ANK3: variants seen among roughly 807,000 people sequenced by gnomAD.
ANK3 encodes the protein ankyrin 3.
In ANK3, 57 loss-of-function variants were observed where a neutral mutation model predicts 370.9. The ratio of observed to expected loss-of-function variants is 0.15; its 90% CI spans 0.12 to 0.19. The LOEUF (loss-of-function observed/expected upper bound fraction) is 0.19, where lower values mean the gene tolerates loss of function less well. Ranked by LOEUF, ANK3 falls within the 10% of genes least tolerant of loss-of-function variation. ANK3 has a pLI of 1.00. For synonymous variants in ANK3, 1,929 were observed against 1,946.3 expected (o/e 0.99, Z 0.23); for missense variants, 4,439 against 5,302.1 (o/e 0.84, Z 5.06).
intron 8 of ANK3, among the ~76,000 whole-genome samples, chr10:60,230,655 C>T (rs1446408711): frequency 6.6e-6 from 1 of 152,198 alleles, no homozygotes; most frequent in African/African-American, 2.4e-5. Context: ...CTTTGAGAGG[C>T]TGAGATGGGC....
At chr10:60,452,333 G>T (rs944132835) in intron 2 of ANK3, among the ~76,000 whole-genome samples, 1 of 152,248 alleles carries the variant, frequency 6.6e-6, no homozygotes, top group African/African-American at 2.4e-5. Context: ...CACGAGAGTT[G>T]CTTCTATTGT....
At position 60,075,160 on chromosome 10, in the gene ANK3, T is replaced by A. The variant is rs1217164084; in HGVS notation, c.5721A>T (p.Glu1907Asp). ...TCATCCGCATTAGGTCCTCTTTCAT[T>A]TCAGCTACATCTTTTAGTATCTCCT... The part of the protein sequence containing the change: ...SSQEILKDVA[E>D]MKEDLMRMTA... The change falls in exon 37 of 44, where the codon GAA (glutamate) becomes GAT (aspartate). Residue 1907 changes from glutamate to aspartate, a missense_variant. By Grantham distance (45) the Glu-to-Asp change is conservative (BLOSUM62 2). Around this residue, in one of 13 missense-constraint regions of ANK3, gnomAD observed 679 missense variants for 791.0 expected, o/e 0.86. Coordinates refer to ENST00000280772, the MANE Select transcript of ANK3 (RefSeq NM_020987.5). The A allele has an allele frequency of 1.9e-6, 3 of 1,614,038 alleles. 1 individual carries two copies. The African/African-American group carries it at 4.0e-5, about 22-fold the overall frequency.
At chr10:60,516,646 T>C (rs1027888302) in intron 2 of ANK3, among the ~76,000 whole-genome samples, 4 of 152,054 alleles carry the variant, frequency 2.6e-5, no homozygotes, top group African/African-American at 9.7e-5. Flanking sequence ...GAGTAGTTAG[T>C]AGTGAGCTCC....
At chr10:60,518,359 C>A (rs771988693) in intron 2 of ANK3, among the ~76,000 whole-genome samples, 3 of 152,122 alleles carry the variant, frequency 2.0e-5, no homozygotes, top group Non-Finnish European at 4.4e-5. Flanking sequence ...CTGCTCTGGC[C>A]TCCTTGAGCC....
chr10:60,067,827 T>C, intron 38 of ANK3, 108 bp downstream of exon 38: 1 of 814,790 alleles, frequency 1.2e-6, no homozygotes, highest in Non-Finnish European at 1.8e-6. Context: ...AAAATGTTTT[T>C]TACTAGCTGC....
At chr10:60,602,321 A>G (rs993716759) in intron 2 of ANK3, among the ~76,000 whole-genome samples, 5 of 152,072 alleles carry the variant, frequency 3.3e-5, no homozygotes, top group African/African-American at 1.2e-4. Context: ...TCCCCACAAT[A>G]TAATGGAAGG....
chr10:60,068,947 GGT>G lies in ANK3; in HGVS notation c.11932_11933del (p.Thr3978GlnfsTer5). The G allele has an allele frequency of 6.2e-7, 1 of 1,613,988 alleles. No homozygotes were observed. The highest frequency in any genetic ancestry group is 8.5e-7 in the Non-Finnish European group (1 of 1,179,968). On this transcript the variant is annotated frameshift_variant, in exon 37 of 44. Coordinates refer to ENST00000280772, the MANE Select transcript of ANK3 (RefSeq NM_020987.5). LOFTEE classifies it high-confidence loss of function. ...TTTTTTTTTT[T>X]SCTVKVRKSQ... ...TTTTCCTAACTTTAACTGTGCAGCT[GGT>G]GGTGGTGGTAGTGGTGGTAGTGGTG... is the stretch of plus-strand genomic sequence containing the variant.
At chr10:60,318,285 C>A (rs1308836041) in intron 1 of ANK3, among the ~76,000 whole-genome samples, 3 of 152,180 alleles carry the variant, frequency 2.0e-5, no homozygotes, top group Admixed American at 2.0e-4. Flanking sequence ...ATTATCTACT[C>A]AACACCCAGC....
chr10:60,405,394 G>A (rs533820733), intron 2 of ANK3, among the ~76,000 whole-genome samples: 1 of 152,292 alleles, frequency 6.6e-6, no homozygotes, highest in South Asian at 2.1e-4. Flanking sequence ...TTTCTCAAAT[G>A]AGTATATACT....
intron 5 of ANK3, among the ~76,000 whole-genome samples, 190 bp from the exon 6 acceptor site, chr10:60,264,210 A>C (rs2097847111): frequency 6.6e-6 from 1 of 152,224 alleles, no homozygotes; most frequent in Admixed American, 6.5e-5. Context: ...CAAAGTAAAA[A>C]ATACTAAGAA....
At chr10:60,667,156 T>C (rs115754663) in intron 1 of ANK3, among the ~76,000 whole-genome samples, 1,849 of 141,386 alleles carry the variant, frequency 0.013, 43 homozygotes, top group African/African-American at 0.044. Context: ...TTTCCTGTGG[T>C]AAAACTTTAT....
chr10:60,688,005 A>G (rs147272958), intron 1 of ANK3, among the ~76,000 whole-genome samples: 2 of 152,344 alleles, frequency 1.3e-5, no homozygotes, highest in Non-Finnish European at 2.9e-5. Context: ...GGCACCTAAA[A>G]TAGTGAAGTT....
At chr10:60,162,810 T>C (rs1412637025) in intron 23 of ANK3, among the ~76,000 whole-genome samples, 2 of 152,170 alleles carry the variant, frequency 1.3e-5, no homozygotes, top group Non-Finnish European at 2.9e-5. Context: ...GAGTCATATT[T>C]CATAGAGCTG....
chr10:60,186,413 C>G (rs2096333948), intron 17 of ANK3, among the ~76,000 whole-genome samples: 4 of 148,644 alleles, frequency 2.7e-5, no homozygotes. Context: ...TATAAAGAAG[C>G]AATCAGAGCT....
chr10:60,546,861 C>T (rs1348787487), intron 2 of ANK3, among the ~76,000 whole-genome samples: 2 of 152,090 alleles, frequency 1.3e-5, no homozygotes, highest in African/African-American at 4.8e-5. Flanking sequence ...CTTCCCAGTG[C>T]CAGGTGACAT....
chr10:60,376,707 A>C (rs373688116), intron 1 of ANK3, among the ~76,000 whole-genome samples: 1 of 152,130 alleles, frequency 6.6e-6, no homozygotes, highest in Non-Finnish European at 1.5e-5. Flanking sequence ...AAATGCATTC[A>C]TGGTCACCCT....
intron 43 of ANK3, among the ~76,000 whole-genome samples, chr10:60,032,648 A>G (rs1445031828): frequency 6.6e-6 from 1 of 152,124 alleles, no homozygotes; most frequent in Admixed American, 6.5e-5. Flanking sequence ...ATCCAAGCAA[A>G]TGTTATCTTT....
chr10:60,697,969 C>T (rs920381396), intron 1 of ANK3, among the ~76,000 whole-genome samples: 2 of 151,924 alleles, frequency 1.3e-5, no homozygotes, highest in African/African-American at 4.8e-5. Context: ...GAACAGGCAG[C>T]CTACAAAATG....
chr10:60,340,759 GA>G (rs1367305704), intron 1 of ANK3, among the ~76,000 whole-genome samples: 2 of 152,092 alleles, frequency 1.3e-5, no homozygotes, highest in African/African-American at 4.8e-5. Context: ...AGATACTATA[GA>G]GGCAGTAGTA....
Sources: allele counts gnomAD v4.1 joint callset (sites outside exome capture counted in the v4.1 genomes callset), GRCh38; gene constraint gnomAD v4.1.1; regional missense constraint gnomAD v4.1.1; transcripts MANE v1.5; gene names NCBI Gene and HGNC (gene_info 2026-07-23, HGNC 2026-07-21).